The following USP42 variants were observed in gnomAD, a reference collection of about 807,000 sequenced individuals.
USP42 encodes the protein ubiquitin specific peptidase 42, also known as ubiquitin carboxyl-terminal hydrolase 42.
In USP42, 23 loss-of-function variants were observed where a neutral mutation model predicts 113.0. The ratio of observed to expected loss-of-function variants is 0.20; its 90% CI spans 0.15 to 0.29. The LOEUF (loss-of-function observed/expected upper bound fraction) is 0.29. Ranked by LOEUF, USP42 falls within the 10% of genes least tolerant of loss-of-function variation. USP42 has a pLI of 1.00. For synonymous variants in USP42, 933 were observed against 699.0 expected (o/e 1.33, Z -5.28); for missense variants, 2,174 against 1,779.8 (o/e 1.22, Z -3.99).
chr7:6,115,417 G>C lies in USP42; in HGVS notation c.336G>C (p.Gly112=), dbSNP rs763981566. 1.2e-6 allele frequency: 2 copies of C among 1,613,942 alleles called. No individual in the cohort carries two copies. Among genetic ancestry groups the C allele is most frequent in the African/African-American group, 1.3e-5 (1 of 74,948 alleles). Residue 112 remains glycine, a synonymous_variant, in exon 3 of 18, where the codon GGG becomes GGC. Transcript: ENST00000306177. ...KWQQTHRVGA[G]LQNLGNTCFA... The stretch of plus-strand genomic sequence containing the variant: ...AACAAACTCATAGAGTTGGAGCTGG[G>C]CTCCAGAATTTGGGCAATACCTGTT...
intron 4 of USP42, among the ~76,000 whole-genome samples, chr7:6,136,185 G>T (rs10281438): frequency 0.021 from 3,133 of 151,798 alleles, 116 homozygotes; most frequent in African/African-American, 0.073. Context: ...TGTACTTTTA[G>T]TACAGATGGG....
upstream of USP42, among the ~76,000 whole-genome samples, chr7:6,104,416 G>A (rs1324626921): frequency 1.3e-5 from 2 of 152,360 alleles, no homozygotes; most frequent in Non-Finnish European, 2.9e-5. Flanking sequence ...AATAAAGGCT[G>A]CGTCCGCTAG....
Position 6,159,452 on chromosome 7 carries a change from G to T in USP42, c.3946G>T (p.Asp1316Tyr). The T allele has an allele frequency of 6.2e-7, 1 of 1,613,968 alleles. No individual in the cohort carries two copies. The highest frequency in any genetic ancestry group is 1.7e-5 in the Admixed American group (1 of 60,012). ...CTTTCCTGACCTTTGCTTTCTAGGT[G>T]ATTGAAAACTCAGCCTCAAAACAAA... ...RCRLFEYGQG[D>Y] is the part of the protein sequence containing the mutation. Residue 1316 changes from aspartate to tyrosine, a missense_variant and splice_region_variant, in exon 17 of 18, where the codon GAT (aspartate) becomes TAT (tyrosine). Physicochemically the swap from Asp to Tyr is radical, Grantham distance 160 (BLOSUM62 -3). Coordinates refer to ENST00000306177, the MANE Select transcript of USP42 (RefSeq NM_032172.3). This position sits in a 1 kb window ranked among gnomAD's most constrained non-coding sequence, Gnocchi z 4.1.
chr7:6,114,289 G>A (rs1779756301), intron 2 of USP42, among the ~76,000 whole-genome samples: 3 of 152,072 alleles, frequency 2.0e-5, no homozygotes, highest in African/African-American at 7.2e-5. Context: ...CATGGCAGAT[G>A]TTACAAGGAA....
chr7:6,081,738 C>T, the USP42 span: 2 of 152,276 alleles, frequency 1.3e-5, no homozygotes, highest in Admixed American at 6.5e-5. Context: ...CCGACTGCGC[C>T]TACGTGGACT....
In USP42 at chr7:6,122,772, A is replaced by G. The variant is rs545908246; in HGVS notation, c.442+7249A>G. Among the ~76,000 whole-genome samples, 113 of 145,520 alleles carry G rather than the reference A, an allele frequency of 7.8e-4. 1 individual carries two copies. Among genetic ancestry groups the G allele is most frequent in the Non-Finnish European group, 1.4e-3 (90 of 65,840 alleles). On this transcript the variant is annotated intron_variant, in intron 3 of 17. Transcript: ENST00000306177. ...GGCGTGAGTCACTGTGTCCAGCCTA[A>G]TTTTTTTTTTAAATAGAGATAGGGT... is the stretch of plus-strand genomic sequence containing the variant.
chr7:6,102,111 T>A (rs931459752), upstream of USP42, among the ~76,000 whole-genome samples: 3 of 41,800 alleles, frequency 7.2e-5, no homozygotes, highest in African/African-American at 4.3e-4. Context: ...CTCCTAAGAT[T>A]TTTTTTTTTT....
chr7:6,144,434 AGTTCAT>A (rs1284406258), intron 9 of USP42, among the ~76,000 whole-genome samples: 1 of 152,156 alleles, frequency 6.6e-6, no homozygotes, highest in African/African-American at 2.4e-5. Context: ...TTTTCACCAA[AGTTCAT>A]TTTGTCTTGT....
At chr7:6,103,641 G>C (rs1247400435), upstream of USP42, among the ~76,000 whole-genome samples, 1 of 148,128 alleles carries the variant, frequency 6.8e-6, no homozygotes, top group Non-Finnish European at 1.5e-5. Flanking sequence ...TGGCTCCGGA[G>C]TGTAATCCCA....
the USP42 span, among the ~76,000 whole-genome samples, chr7:6,089,823 G>A: frequency 1.9e-4 from 29 of 150,580 alleles, no homozygotes; most frequent in Middle Eastern, 3.4e-3. Context: ...GAGCTACCGC[G>A]CCCAGCCTCT....
chr7:6,108,727 C>T (rs1361981118), intron 1 of USP42, among the ~76,000 whole-genome samples: 2 of 152,210 alleles, frequency 1.3e-5, no homozygotes, highest in African/African-American at 4.8e-5. Flanking sequence ...GATCCACCCG[C>T]CTTGGCCTCC....
intron 2 of USP42, 96 bp downstream of exon 2, chr7:6,111,470 G>C: frequency 2.3e-5 from 34 of 1,459,724 alleles, no homozygotes; most frequent in Non-Finnish European, 3.1e-5. Context: ...TTTGCAAGGC[G>C]TGAGGCCACC....
chr7:6,160,150 G>A (rs1255124561), intron 17 of USP42, among the ~76,000 whole-genome samples: 1 of 152,244 alleles, frequency 6.6e-6, no homozygotes, highest in East Asian at 1.9e-4. Flanking sequence ...TTGTCCAAAT[G>A]TGTCTGTCAC....
chr7:6,149,901 G>A lies in USP42; in HGVS notation c.1705G>A (p.Ala569Thr), dbSNP rs1010791594. Residue 569 changes from alanine (A) to threonine (T), a missense_variant, in exon 13 of 18, where the codon GCA becomes ACA. By Grantham distance (58) the Ala-to-Thr change is moderately conservative. Coordinates refer to ENST00000306177, the MANE Select transcript of USP42 (RefSeq NM_032172.3). Reference protein sequence around the residue: ...TNSAVQSTSNASTMSVSSKVT... With the variant: ...TNSAVQSTSNTSTMSVSSKVT... ...TTCTGCAGTACAGTCTACCTCGAAC[G>A]CATCTACGATGTCAGTTTCTAGTAA... 8 of 1,613,878 alleles carry A rather than the reference G, an allele frequency of 5.0e-6. No homozygotes were observed. The highest frequency in any genetic ancestry group is 3.3e-5 in the South Asian group (3 of 91,090).
At position 6,111,216 on chromosome 7, in the gene USP42, C is replaced by G; in HGVS notation, c.83C>G (p.Pro28Arg). ...CCTGGCAGCTCCGAGGCAGTCTCAC[C>G]TGGAGACATGGATGCAGGTTCTGCC... ...NQPGSSEAVS[P>R]GDMDAGSASW... The change falls in exon 2 of 18, where the codon CCT becomes CGT. Residue 28 changes from proline to arginine, a missense_variant. Physicochemically the swap from Pro to Arg is moderately radical, Grantham distance 103. Coordinates refer to ENST00000306177, the MANE Select transcript of USP42 (RefSeq NM_032172.3). The G allele has an allele frequency of 6.2e-7, 1 of 1,610,936 alleles. No homozygotes were observed. Among genetic ancestry groups the G allele is most frequent in the Non-Finnish European group, 8.5e-7 (1 of 1,178,390 alleles).
intron 3 of USP42, among the ~76,000 whole-genome samples, chr7:6,121,036 T>C (rs1032835156): frequency 6.6e-6 from 1 of 152,208 alleles, no homozygotes; most frequent in African/African-American, 2.4e-5. Context: ...TAGTAGGTTT[T>C]TTTTTTTAAG....
chr7:6,129,281 C>T (rs1360877114), intron 3 of USP42, among the ~76,000 whole-genome samples: 9 of 152,060 alleles, frequency 5.9e-5, no homozygotes, highest in Admixed American at 2.6e-4. Context: ...CTAGGCCAGG[C>T]GTGGTGGCTC....
At chr7:6,156,682 G>A in intron 15 of USP42, 72 bp from the exon 16 acceptor site, 1 of 1,460,084 alleles carries the variant, frequency 6.8e-7, no homozygotes, top group Non-Finnish European at 9.0e-7. Context: ...TGGGTGGAAA[G>A]GCCAAGCTCC....
intron 2 of USP42, among the ~76,000 whole-genome samples, chr7:6,114,484 T>A (rs1295763729): frequency 6.6e-6 from 1 of 151,656 alleles, no homozygotes; most frequent in African/African-American, 2.4e-5. Context: ...ATCCAATACT[T>A]CATCTTTCAC....
Sources: allele counts gnomAD v4.1 joint callset (sites outside exome capture counted in the v4.1 genomes callset), GRCh38; gene constraint gnomAD v4.1.1; non-coding constraint Gnocchi (gnomAD v3.1); transcripts MANE v1.5; gene names NCBI Gene and HGNC (gene_info 2026-07-23, HGNC 2026-07-21).